RTN3: variants seen among roughly 807,000 people sequenced by gnomAD.
RTN3 encodes reticulon-3.
Under a neutral mutation model 77.8 loss-of-function variants are expected in RTN3, and 49 were observed. The observed-to-expected ratio is 0.63, with a 90% CI of 0.50 to 0.80. RTN3 has a LOEUF of 0.80. RTN3 is among the 30% of genes least tolerant of loss of function. The pLI is 0.00. For synonymous variants in RTN3, 464 were observed against 446.9 expected, an observed-to-expected ratio of 1.04 and a Z score of -0.48; for missense variants, 1,236 against 1,211.9, an observed-to-expected ratio of 1.02 and a Z score of -0.29.
chr11:63,750,311 A>G, intron 4 of RTN3, 113 bp downstream of exon 4: 1 of 861,422 alleles, frequency 1.2e-6, no homozygotes, highest in Non-Finnish European at 1.8e-6. Flanking sequence ...GGCCTAATGC[A>G]GCTGATTGGT....
chr11:63,704,873 C>T lies in RTN3; in HGVS notation c.165C>T (p.Ser55=), dbSNP rs1034206704. 2 of 1,611,968 alleles carry T rather than the reference C, an allele frequency of 1.2e-6. No individual in the cohort carries two copies. The highest frequency in any genetic ancestry group is 2.2e-5 in the East Asian group (1 of 44,846). ...SCADSFVSSS[S]SQPVSLFSTS... ...CAGATTCCTTTGTTTCTTCCTCTTC[C>T]TCTCAGCCTGTATCTCTATTTTCGA... The change falls in exon 2 of 9, where the codon TCC becomes TCT. Residue 55 remains serine, a synonymous_variant. Coordinates refer to ENST00000377819, the MANE Select transcript of RTN3 (RefSeq NM_001265589.2).
intron 2 of RTN3, among the ~76,000 whole-genome samples, chr11:63,708,889 G>T (rs980803272): frequency 6.6e-6 from 1 of 152,142 alleles, no homozygotes; most frequent in African/African-American, 2.4e-5. Context: ...AACATACAAA[G>T]ATATTGACAG....
intron 2 of RTN3, chr11:63,714,028 C>G (rs1208426255): frequency 3.9e-6 from 2 of 518,714 alleles, no homozygotes; most frequent in Non-Finnish European, 7.7e-6. Context: ...TTGGAAGAGT[C>G]TTTGCTTATC....
intron 2 of RTN3, among the ~76,000 whole-genome samples, chr11:63,714,874 G>C (rs1456034822): frequency 6.6e-6 from 1 of 152,098 alleles, no homozygotes; most frequent in East Asian, 1.9e-4. Flanking sequence ...GGATGTGTTA[G>C]TATTCTGAGA....
rs368868381 is a variant in RTN3 at position 63,729,082 on chromosome 11, C to CA, written c.2530+8058dup. On this transcript the variant is annotated intron_variant, in intron 3 of 8. Coordinates refer to ENST00000377819, the MANE Select transcript of RTN3 (RefSeq NM_001265589.2). ...GTTTCTGTATTCAGGAAAAAAACAACAAAAAAAACAAAAAAACTGCAAGAT... is the reference window on the plus strand; with the variant it reads ...GTTTCTGTATTCAGGAAAAAAACAACAAAAAAAAACAAAAAAACTGCAAGAT... Among the ~76,000 whole-genome samples, 554 of 150,146 alleles carry CA rather than the reference C, an allele frequency of 3.7e-3. 3 individuals carry two copies. The highest frequency in any genetic ancestry group is 0.011 in the African/African-American group (454 of 40,928).
intron 3 of RTN3, among the ~76,000 whole-genome samples, chr11:63,735,943 A>G (rs1433474667): frequency 6.6e-6 from 1 of 152,238 alleles, no homozygotes; most frequent in East Asian, 1.9e-4. Flanking sequence ...GGTACTGACG[A>G]GTCTACAAGT....
At chr11:63,753,202 G>A in intron 6 of RTN3, 64 bp downstream of exon 6, 2 of 1,484,498 alleles carry the variant, frequency 1.3e-6, no homozygotes, top group South Asian at 2.3e-5. Context: ...AGAGTGAAGA[G>A]AAAGCCCAGC....
At chr11:63,694,177 TG>T (rs1451999060) in intron 1 of RTN3, among the ~76,000 whole-genome samples, 1 of 151,576 alleles carries the variant, frequency 6.6e-6, no homozygotes, top group African/African-American at 2.4e-5. Flanking sequence ...TAATTAATTA[TG>T]GTTTTTTTTT....
chr11:63,735,821 C>T (rs1306707854), intron 3 of RTN3, among the ~76,000 whole-genome samples: 2 of 151,988 alleles, frequency 1.3e-5, no homozygotes, highest in African/African-American at 2.4e-5. Flanking sequence ...TGAGCTAAAG[C>T]GCCTCACCAA....
At chr11:63,699,541 G>A (rs575585331) in intron 1 of RTN3, among the ~76,000 whole-genome samples, 8 of 152,238 alleles carry the variant, frequency 5.3e-5, no homozygotes, top group African/African-American at 1.7e-4. Flanking sequence ...TGCTGCCAGA[G>A]TTCTTTCTAA....
At chr11:63,687,796 G>A (rs940175252) in intron 1 of RTN3, among the ~76,000 whole-genome samples, 1 of 152,128 alleles carries the variant, frequency 6.6e-6, no homozygotes, top group Admixed American at 6.6e-5. Context: ...TCCATTTGTA[G>A]GTTACAAACT....
chr11:63,741,199 TTA>T (rs1350433254), intron 3 of RTN3, among the ~76,000 whole-genome samples: 19 of 145,870 alleles, frequency 1.3e-4, no homozygotes, highest in South Asian at 4.4e-4. Flanking sequence ...ATTTATTTAT[TTA>T]TTTATTTATT....
chr11:63,726,447 G>A (rs517700), intron 3 of RTN3, among the ~76,000 whole-genome samples: 19,361 of 152,244 alleles, frequency 0.13, 1,324 homozygotes, highest in South Asian at 0.16. Flanking sequence ...AATCTTGGAA[G>A]GGAGAGATCC....
chr11:63,682,553 A>C (rs991083088), intron 1 of RTN3, among the ~76,000 whole-genome samples: 5 of 151,810 alleles, frequency 3.3e-5, no homozygotes, highest in Non-Finnish European at 7.4e-5. Context: ...TATTCTAGAA[A>C]ATAGAGTCAT....
intron 3 of RTN3, among the ~76,000 whole-genome samples, chr11:63,731,065 A>G (rs1431544380): frequency 6.6e-6 from 1 of 151,624 alleles, no homozygotes; most frequent in Admixed American, 6.6e-5. Context: ...AACTCAGCAA[A>G]TTTCAAAGGA....
intron 1 of RTN3, among the ~76,000 whole-genome samples, chr11:63,684,650 G>A (rs1253263351): frequency 1.3e-5 from 2 of 152,186 alleles, no homozygotes; most frequent in African/African-American, 4.8e-5. Flanking sequence ...TAGATGTGCT[G>A]TAGACACGTA....
chr11:63,755,044 A>T (rs1486658722), intron 7 of RTN3, among the ~76,000 whole-genome samples: 2 of 151,578 alleles, frequency 1.3e-5, no homozygotes, highest in African/African-American at 2.4e-5. Flanking sequence ...TTGTTGGATG[A>T]TGTGTACCAA....
Position 63,759,060 on chromosome 11 carries a change from G to A in RTN3, c.*859G>A, listed in dbSNP as rs918696488. The A allele has an allele frequency of 2.0e-5, 3 of 152,178 alleles. No homozygotes were observed. Among genetic ancestry groups the A allele is most frequent in the Non-Finnish European group, 2.9e-5 (2 of 68,044 alleles). The allele number at this position is 152,178 out of a possible 1,614,324, so 9.4% of individuals were successfully genotyped here. ...TTTTCTTACTATAAAATAAATGTCT[G>A]TAACTGCTGTGCACTGCTGTAAACT... On this transcript the variant is annotated 3_prime_UTR_variant, in exon 9 of 9. Coordinates refer to ENST00000377819, the MANE Select transcript of RTN3 (RefSeq NM_001265589.2).
At chr11:63,753,585 T>C in intron 6 of RTN3, 77 bp from the exon 7 acceptor site, 1 of 1,333,564 alleles carries the variant, frequency 7.5e-7, no homozygotes, top group Non-Finnish European at 1.1e-6. Context: ...TGAGGAAAAA[T>C]GTATATGTTA....
Sources: allele counts gnomAD v4.1 joint callset (sites outside exome capture counted in the v4.1 genomes callset), GRCh38; gene constraint gnomAD v4.1.1; transcripts MANE v1.5; gene names NCBI Gene and HGNC (gene_info 2026-07-23, HGNC 2026-07-21).